Variants in MSS51 observed in about 807,000 individuals in gnomAD.
MSS51 encodes putative protein MSS51 homolog, mitochondrial.
MSS51 carries 32 observed loss-of-function variants against 40.2 expected under a neutral mutation model. That is an observed-to-expected ratio of 0.80 (90% CI 0.60 to 1.07). The LOEUF (loss-of-function observed/expected upper bound fraction) is 1.07. Ranked by LOEUF, MSS51 falls within the 50% of genes least tolerant of loss-of-function variation. The pLI is 0.00. For missense variants in MSS51, 518 were observed against 568.9 expected, an observed-to-expected ratio of 0.91 and a Z score of 0.91; for synonymous variants, 178 against 214.2, an observed-to-expected ratio of 0.83 and a Z score of 1.48.
Position 73,426,692 on chromosome 10 carries a change from C to T in MSS51, c.417G>A (p.Lys139=). 1 of 1,614,190 alleles carries T rather than the reference C, an allele frequency of 6.2e-7. No individual in the cohort carries two copies. The highest frequency in any genetic ancestry group is 8.5e-7 in the Non-Finnish European group (1 of 1,180,038). Residue 139 remains lysine (K), a synonymous_variant, in exon 4 of 7, where the codon AAG becomes AAA. Transcript: ENST00000299432. ...CCCTCCTGTGTGCGGGCCAGTCTGA[C>T]TTCTGGCACTCTGGACCACAGTAAT... The part of the protein sequence containing the change: ...NVYYCGPECQ[K]SDWPAHRRVC...
rs764787310 is a variant in MSS51 at position 73,426,328 on chromosome 10, T to C, written c.552A>G (p.Val184=). ...SGPWPWPPEA[V]QDWDSWFSMK... is the part of the protein sequence containing the mutation. Reference sequence around the variant, plus strand: ...TAGAAAACCAGGAGTCCCAGTCCTGTACAGCTTCAGGTGGCCATGGCCAAG... The same window carrying C: ...TAGAAAACCAGGAGTCCCAGTCCTGCACAGCTTCAGGTGGCCATGGCCAAG... Residue 184 remains valine (V), a synonymous_variant, in exon 5 of 7, where the codon GTA becomes GTG. Coordinates refer to ENST00000299432, the MANE Select transcript of MSS51 (RefSeq NM_001024593.2). 6.2e-6 allele frequency: 10 copies of C among 1,604,004 alleles called. No homozygotes were observed. The African/African-American group carries it at 8.0e-5, about 13-fold the overall frequency.
intron 1 of MSS51, chr10:73,429,753 T>C (rs1245284930): frequency 2.2e-6 from 1 of 448,118 alleles, no homozygotes; most frequent in Non-Finnish European, 4.5e-6. Flanking sequence ...ATATATTTAC[T>C]GATAAACAGA....
intron 3 of MSS51, 29 bp downstream of exon 3, chr10:73,427,584 T>C (rs2055998188): frequency 6.3e-7 from 1 of 1,581,186 alleles, no homozygotes; most frequent in Non-Finnish European, 8.6e-7. Flanking sequence ...CATTTCTGAA[T>C]GTCTCCCTAT....
At chr10:73,429,973 T>C (rs1302854585) in intron 1 of MSS51, among the ~76,000 whole-genome samples, 3 of 152,118 alleles carry the variant, frequency 2.0e-5, no homozygotes, top group African/African-American at 7.2e-5. Flanking sequence ...CAGGTGGCAG[T>C]TGGAATAGAC....
At chr10:73,431,693 T>C (rs559155869) in intron 1 of MSS51, among the ~76,000 whole-genome samples, 2 of 152,330 alleles carry the variant, frequency 1.3e-5, no homozygotes, top group African/African-American at 4.8e-5. Context: ...TATGTTTCCA[T>C]CCACCCTCTT....
chr10:73,424,847 C>T (rs904026995), intron 6 of MSS51, 75 bp from the exon 7 acceptor site: 12 of 1,249,258 alleles, frequency 9.6e-6, no homozygotes, highest in Admixed American at 1.9e-5. Flanking sequence ...AAGAGCCTGA[C>T]ATTTCTGTAA....
rs1266288408 is a variant in MSS51, at chr10:73,424,477, G to A, written c.*76C>T. ...GGTTTAGAATATAATGTTTTTCAAA[G>A]TTTGCAAGAACCTGGCATTAGCAGG... is the stretch of plus-strand genomic sequence containing the variant. On this transcript the variant is annotated 3_prime_UTR_variant, in exon 7 of 7. Coordinates refer to ENST00000299432, the MANE Select transcript of MSS51 (RefSeq NM_001024593.2). The A allele has an allele frequency of 5.2e-6, 6 of 1,158,832 alleles. No individual in the cohort carries two copies. In the African/African-American group the frequency reaches 7.7e-5, roughly 15 times the overall value. 71.8% of individuals were successfully genotyped at this position (1,158,832 alleles called of 1,614,324 possible). A position where few individuals can be genotyped will look rare whatever the true frequency, so the allele number is the denominator to read the frequency against.
intron 1 of MSS51, among the ~76,000 whole-genome samples, chr10:73,430,068 T>C (rs2056017158): frequency 2.0e-5 from 3 of 152,124 alleles, no homozygotes; most frequent in Admixed American, 2.0e-4. Flanking sequence ...CACAGAAATA[T>C]AGACAGAAAC....
At position 73,428,181 on chromosome 10, in the gene MSS51, G is replaced by C. The variant is rs567247828; in HGVS notation, c.104C>G (p.Pro35Arg). The C allele has an allele frequency of 5.6e-6, 9 of 1,614,120 alleles. No individual in the cohort carries two copies. The Admixed American group carries it at 1.3e-4, about 24-fold the overall frequency. The change falls in exon 2 of 7, where the codon CCC (proline) becomes CGC (arginine). Residue 35 changes from proline (P) to arginine (R), a missense_variant. Physicochemically the swap from Pro to Arg is moderately radical, Grantham distance 103 (BLOSUM62 -2). Coordinates refer to ENST00000299432, the MANE Select transcript of MSS51 (RefSeq NM_001024593.2). ...TTIVTPVPLTPSKPGPSIDTL... is the reference protein window; with the variant it reads ...TTIVTPVPLTRSKPGPSIDTL... Reference sequence around the variant, plus strand: ...GTCAATGCTAGGGCCAGGTTTTGAGGGGGTCAGAGGCACAGGGGTCACAAT... The same window carrying C: ...GTCAATGCTAGGGCCAGGTTTTGAGCGGGTCAGAGGCACAGGGGTCACAAT...
At position 73,428,379 on chromosome 10, in the gene MSS51, C is replaced by G. The variant is rs41280396; in HGVS notation, c.-17-78G>C. On this transcript the variant is annotated intron_variant, in intron 1 of 6. Transcript: ENST00000299432. ...TTGTGAAGTATTTTCATATGCTTGA[C>G]CTTTCATTTCTCATTCCAGTCTCTC... 906 of 1,110,758 alleles carry G rather than the reference C, an allele frequency of 8.2e-4. 4 individuals carry two copies. Among genetic ancestry groups the G allele is most frequent in the Non-Finnish European group, 1.1e-3 (836 of 787,856 alleles). 68.8% of individuals were successfully genotyped at this position (1,110,758 alleles called of 1,614,324 possible).
chr10:73,427,617 T>C lies in MSS51; in HGVS notation c.373A>G (p.Lys125Glu). 1.2e-6 allele frequency: 2 copies of C among 1,609,070 alleles called. No homozygotes were observed. The highest frequency in any genetic ancestry group is 2.2e-5 in the South Asian group (2 of 90,758). The change falls in exon 3 of 7, where the codon AAG becomes GAG. Residue 125 changes from lysine to glutamate, a missense_variant. Coordinates refer to ENST00000299432, the MANE Select transcript of MSS51 (RefSeq NM_001024593.2). ...TATTAGCCCCCAACAAGTCACCTCT[T>C]ACAGTGCCGGAGAACCTTGGAGTCT... The part of the protein sequence containing the change: ...LSDSKVLRHC[K>E]RCRNVYYCGP...
Position 73,425,176 on chromosome 10 carries a change from G to T in MSS51, c.1085C>A (p.Pro362Gln). The T allele has an allele frequency of 6.3e-7, 1 of 1,595,312 alleles. No homozygotes were observed. Among genetic ancestry groups the T allele is most frequent in the Non-Finnish European group, 8.5e-7 (1 of 1,173,534 alleles). Residue 362 changes from proline to glutamine, a missense_variant, in exon 6 of 7, where the codon CCA (proline) becomes CAA (glutamine). Transcript: ENST00000299432. ...GGGCAGCCAAGCCTCCATCAAGTCT[G>T]GGGAGGAATGAAAACCTGTGGAACA... ...AAFHPGFHSS[P>Q]DLMEAWLPTL...
Position 73,426,677 on chromosome 10 carries a change from T to C in MSS51, c.432A>G (p.Ala144=). ...GPECQKSDWP[A]HRRVCQELRL... ...GAAGCTCTTGACAAACCCTCCTGTG[T>C]GCGGGCCAGTCTGACTTCTGGCACT... The change falls in exon 4 of 7, where the codon GCA becomes GCG. Residue 144 remains alanine (A), a synonymous_variant. Coordinates refer to ENST00000299432, the MANE Select transcript of MSS51 (RefSeq NM_001024593.2). 1.2e-6 allele frequency: 2 copies of C among 1,614,172 alleles called. No homozygotes were observed. Among genetic ancestry groups the C allele is most frequent in the Non-Finnish European group, 1.7e-6 (2 of 1,180,038 alleles).
At chr10:73,425,024 G>C (rs1405125650) in intron 6 of MSS51, 74 bp downstream of exon 6, 1 of 1,206,422 alleles carries the variant, frequency 8.3e-7, no homozygotes, top group South Asian at 1.2e-5. Flanking sequence ...GCAAGAGGGG[G>C]GCAAAAATGA....
In MSS51 at chr10:73,427,650, C is replaced by T; in HGVS notation, c.340G>A (p.Gly114Arg). 1 of 1,613,948 alleles carries T rather than the reference C, an allele frequency of 6.2e-7. No individual in the cohort carries two copies. Among genetic ancestry groups the T allele is most frequent in the Non-Finnish European group, 8.5e-7 (1 of 1,179,874 alleles). ...FCAHCRALPS[G>R]LSDSKVLRHC... ...CGGAGAACCTTGGAGTCTGAAAGCC[C>T]ACTAGGGAGTGCTCTACAGTGAGCA... The change falls in exon 3 of 7, where the codon GGG (glycine) becomes AGG (arginine). Residue 114 changes from glycine (G) to arginine (R), a missense_variant. Physicochemically the swap from Gly to Arg is moderately radical, Grantham distance 125 (BLOSUM62 -2). Transcript: ENST00000299432.
rs190731852 is a variant in MSS51, at chr10:73,424,836, C to G, written c.1164-64G>C. ...TGACAGAGATAAAGGAAAAACTGCC[C>G]AAGAGCCTGACATTTCTGTAATCAC... On this transcript the variant is annotated intron_variant, in intron 6 of 6. Coordinates refer to ENST00000299432, the MANE Select transcript of MSS51 (RefSeq NM_001024593.2). 386 of 1,347,908 alleles carry G rather than the reference C, an allele frequency of 2.9e-4. 3 individuals are homozygous for G. In the East Asian group the frequency reaches 7.4e-3, roughly 26 times the overall value. 83.5% of individuals were successfully genotyped at this position (1,347,908 alleles called of 1,614,324 possible). A position where few individuals can be genotyped will look rare whatever the true frequency, so the allele number is the denominator to read the frequency against.
chr10:73,426,110 A>C lies in MSS51; in HGVS notation c.770T>G (p.Val257Gly). 3 of 1,614,142 alleles carry C rather than the reference A, an allele frequency of 1.9e-6. No homozygotes were observed. Among genetic ancestry groups the C allele is most frequent in the Non-Finnish European group, 2.5e-6 (3 of 1,180,016 alleles). ...CACTGTGCTTCCCCCAGTCCTCCTAACATCTATCCCCAAGGCCCTAAGTCC... is the reference window on the plus strand; with the variant it reads ...CACTGTGCTTCCCCCAGTCCTCCTACCATCTATCCCCAAGGCCCTAAGTCC... ...GLGLRALGID[V>G]RRTGGSTVHV... Residue 257 changes from valine to glycine, a missense_variant, in exon 5 of 7, where the codon GTT (valine) becomes GGT (glycine). Transcript: ENST00000299432.
chr10:73,429,187 CAA>C (rs2056011128), intron 1 of MSS51, among the ~76,000 whole-genome samples: 1 of 151,686 alleles, frequency 6.6e-6, no homozygotes, highest in South Asian at 2.1e-4. Flanking sequence ...GCCTGGGCAA[CAA>C]GAGCAAAACT....
At chr10:73,425,263 C>G in intron 5 of MSS51, 72 bp from the exon 6 acceptor site, 4 of 910,738 alleles carry the variant, frequency 4.4e-6, no homozygotes, top group Non-Finnish European at 6.8e-6. Context: ...ATTTCTTTGA[C>G]TGTGAGCACC....
Sources: allele counts gnomAD v4.1 joint callset (sites outside exome capture counted in the v4.1 genomes callset), GRCh38; gene constraint gnomAD v4.1.1; transcripts MANE v1.5; gene names NCBI Gene and HGNC (gene_info 2026-07-23, HGNC 2026-07-21).